The following TFB1M variants were observed in gnomAD, a reference collection of about 807,000 sequenced individuals.
TFB1M encodes the protein transcription factor B1, mitochondrial.
TFB1M carries 27 observed loss-of-function variants against 31.1 expected under a neutral mutation model. The observed-to-expected ratio is 0.87, with a 90% CI of 0.64 to 1.20. The LOEUF is 1.20. Ranked by LOEUF, TFB1M falls within the 50% of genes most tolerant of loss-of-function variation. TFB1M has a pLI of 0.00. For missense variants in TFB1M, 394 were observed against 418.7 expected (o/e 0.94, Z 0.51); for synonymous variants, 166 against 151.8 (o/e 1.09, Z -0.69).
downstream of TFB1M, chr6:155,252,908 G>A: frequency 1.9e-6 from 3 of 1,564,580 alleles, no homozygotes; most frequent in African/African-American, 1.4e-5. Context: ...CTCAGTGACA[G>A]CTTCCCTAAC....
chr6:155,243,073 G>A, the TFB1M span, among the ~76,000 whole-genome samples: 340 of 152,072 alleles, frequency 2.2e-3, 2 homozygotes, highest in African/African-American at 7.9e-3. Context: ...AAAATCTTTC[G>A]CTCATGGGTT....
chr6:155,257,072 T>TTG lies in TFB1M; in HGVS notation c.*762_*763dup. 6.2e-7 allele frequency: 1 copy of TTG among 1,614,046 alleles called. No individual in the cohort carries two copies. The highest frequency in any genetic ancestry group is 8.5e-7 in the Non-Finnish European group (1 of 1,180,004). ...TTCAGTGTCCAGAGTTTAACATCTG[T>TTG]TGTCAGTGAGGAGTGTTTTTATGAA... On this transcript the variant is annotated 3_prime_UTR_variant, in exon 7 of 7. Coordinates refer to ENST00000367166, the MANE Select transcript of TFB1M (RefSeq NM_016020.4).
intron 2 of TFB1M, among the ~76,000 whole-genome samples, chr6:155,308,077 T>C (rs1049736983): frequency 1.3e-5 from 2 of 152,080 alleles, no homozygotes; most frequent in African/African-American, 4.8e-5. Flanking sequence ...GAAAAACCTA[T>C]CAAGGCCTCA....
At chr6:155,270,863 CAACTT>C (rs1278487340) in intron 5 of TFB1M, among the ~76,000 whole-genome samples, 1 of 152,186 alleles carries the variant, frequency 6.6e-6, no homozygotes, top group Non-Finnish European at 1.5e-5. Context: ...CAATTCAACT[CAACTT>C]CTTCCAGTAT....
intron 4 of TFB1M, among the ~76,000 whole-genome samples, chr6:155,290,183 G>A (rs1401116300): frequency 2.0e-5 from 3 of 151,492 alleles, no homozygotes; most frequent in African/African-American, 4.9e-5. Context: ...TCAGGAGATC[G>A]AGACCATCCT....
At chr6:155,253,332 A>G, downstream of TFB1M, 1 of 397,344 alleles carries the variant, frequency 2.5e-6, no homozygotes, top group Non-Finnish European at 4.5e-6. Context: ...GATACCCTAA[A>G]ATGTGTTAGA....
At chr6:155,313,879 G>A (rs1778125076) in intron 1 of TFB1M, among the ~76,000 whole-genome samples, 1 of 152,174 alleles carries the variant, frequency 6.6e-6, no homozygotes, top group African/African-American at 2.4e-5. Flanking sequence ...CCAAGTTATT[G>A]ATAAAATCCT....
rs1196586110 is a variant in TFB1M, at chr6:155,257,761, CAAA to C, written c.*72_*74del. ...CATTTGTATCGTCATTCTGTAAAGACAAAAGAGTACCTATATAAGAAGCTCCAC... is the reference window on the plus strand; with the variant it reads ...CATTTGTATCGTCATTCTGTAAAGACAGAGTACCTATATAAGAAGCTCCAC... On this transcript the variant is annotated 3_prime_UTR_variant, in exon 7 of 7. Coordinates refer to ENST00000367166, the MANE Select transcript of TFB1M (RefSeq NM_016020.4). 1.1e-5 allele frequency: 17 copies of C among 1,575,400 alleles called. No homozygotes were observed. The East Asian group carries it at 3.8e-4, about 35-fold the overall frequency.
At chr6:155,285,572 G>C (rs1239150251) in intron 4 of TFB1M, among the ~76,000 whole-genome samples, 1 of 152,178 alleles carries the variant, frequency 6.6e-6, no homozygotes, top group Non-Finnish European at 1.5e-5. Flanking sequence ...TTCTATAGCA[G>C]AAGGTCCTAC....
At chr6:155,262,966 T>A (rs1324110807) in intron 5 of TFB1M, among the ~76,000 whole-genome samples, 2 of 152,256 alleles carry the variant, frequency 1.3e-5, no homozygotes, top group African/African-American at 4.8e-5. Flanking sequence ...TTGGCTTATA[T>A]TATGTCACGG....
At chr6:155,254,470 G>A, downstream of TFB1M, 1 of 1,614,134 alleles carries the variant, frequency 6.2e-7, no homozygotes, top group Non-Finnish European at 8.5e-7. Context: ...CTATTCTGAG[G>A]GAGAACTTCA....
intron 5 of TFB1M, among the ~76,000 whole-genome samples, chr6:155,262,684 T>C (rs1476238955): frequency 1.3e-5 from 2 of 152,174 alleles, no homozygotes; most frequent in African/African-American, 4.8e-5. Context: ...TACAAACTAT[T>C]AAGACCAAAA....
chr6:155,266,846 C>CAAAAAAA (rs1213939199), intron 5 of TFB1M, among the ~76,000 whole-genome samples: 1 of 62,832 alleles, frequency 1.6e-5, no homozygotes, highest in African/African-American at 6.2e-5. Context: ...GACTCCGTCT[C>CAAAAAAA]AAAAAAAAAA....
At chr6:155,260,562 G>A in intron 5 of TFB1M, 162 bp from the exon 6 acceptor site, 1 of 861,338 alleles carries the variant, frequency 1.2e-6, no homozygotes, top group Non-Finnish European at 1.9e-6. Flanking sequence ...ATGGAAGATG[G>A]TACATTCTGG....
rs924858528 is a variant in TFB1M at position 155,257,358 on chromosome 6, G to A, written c.*478C>T. ...CTTAGTTTATATCCACTTTGAGCAG[G>A]TATCAAATGATTTAGGATCCTTAAA... is the stretch of plus-strand genomic sequence containing the variant. On this transcript the variant is annotated 3_prime_UTR_variant, in exon 7 of 7. Coordinates refer to ENST00000367166, the MANE Select transcript of TFB1M (RefSeq NM_016020.4). The A allele has an allele frequency of 2.6e-5, 13 of 499,794 alleles. No individual in the cohort carries two copies. Among genetic ancestry groups the A allele is most frequent in the South Asian group, 1.4e-4 (6 of 41,514 alleles). 31.0% of individuals were successfully genotyped at this position (499,794 alleles called of 1,614,324 possible). A position where few individuals can be genotyped will look rare whatever the true frequency, so the allele number is the denominator to read the frequency against.
intron 2 of TFB1M, among the ~76,000 whole-genome samples, chr6:155,305,737 TTATATATTTATATATATAA>T (rs1777734983): frequency 9.5e-6 from 1 of 104,828 alleles, no homozygotes; most frequent in Non-Finnish European, 1.8e-5. Flanking sequence ...ATATATTAAA[TTATATATTTATATATATAA>T]ATATATATTA....
In TFB1M at chr6:155,257,319, G is replaced by A; in HGVS notation, c.*517C>T. The A allele has an allele frequency of 3.2e-6, 2 of 621,860 alleles. No homozygotes were observed. Among genetic ancestry groups the A allele is most frequent in the Non-Finnish European group, 2.7e-6 (1 of 370,848 alleles). 38.5% of individuals were successfully genotyped at this position (621,860 alleles called of 1,614,324 possible). Reference sequence around the variant, plus strand: ...TCAGAAACCTAGATGAAACTGGTCAGAATCTGTAAATTACTTAGTTTATAT... The same window carrying A: ...TCAGAAACCTAGATGAAACTGGTCAAAATCTGTAAATTACTTAGTTTATAT... On this transcript the variant is annotated 3_prime_UTR_variant, in exon 7 of 7. Coordinates refer to ENST00000367166, the MANE Select transcript of TFB1M (RefSeq NM_016020.4).
At chr6:155,233,969 AC>A in the TFB1M span, among the ~76,000 whole-genome samples, 1 of 147,000 alleles carries the variant, frequency 6.8e-6, no homozygotes, top group Non-Finnish European at 1.5e-5. Context: ...TCTCAAAAAA[AC>A]AAAACAAAAA....
intron 1 of TFB1M, 198 bp downstream of exon 1, chr6:155,314,098 T>C: frequency 1.4e-6 from 2 of 1,458,924 alleles, no homozygotes; most frequent in Non-Finnish European, 1.8e-6. Context: ...ACGCGGAGTT[T>C]TGTGAGCAAT....
Sources: allele counts gnomAD v4.1 joint callset (sites outside exome capture counted in the v4.1 genomes callset), GRCh38; gene constraint gnomAD v4.1.1; transcripts MANE v1.5; gene names NCBI Gene and HGNC (gene_info 2026-07-23, HGNC 2026-07-21).